BRWD1: variants seen among roughly 807,000 people sequenced by gnomAD.
BRWD1 encodes the protein bromodomain and WD repeat domain containing 1.
A neutral mutation model predicts 251.2 loss-of-function variants in BRWD1; 82 were observed. That is an observed-to-expected ratio of 0.33 (90% CI 0.27 to 0.39). The LOEUF (loss-of-function observed/expected upper bound fraction) is 0.39, where lower values mean the gene tolerates loss of function less well. Among genes scored for constraint, BRWD1 ranks in the 10% least tolerant of loss-of-function variants. The pLI is 1.00. For synonymous variants in BRWD1, 918 were observed against 902.8 expected (o/e 1.02, Z -0.30); for missense variants, 2,233 against 2,711.6 (o/e 0.82, Z 3.92).
chr21:39,236,337 G>A (rs1037628306), intron 23 of BRWD1, among the ~76,000 whole-genome samples: 3 of 152,014 alleles, frequency 2.0e-5, no homozygotes, highest in East Asian at 3.9e-4. Flanking sequence ...TATCCACAGG[G>A]GTTGAAAGTA....
rs760359318 is a variant in BRWD1, at chr21:39,189,264, C to T, written c.*6995G>A. ...GCATTTGGAAGAAAAGAACAGATAA[C>T]TGGTTCATTCCCAACAACCTATTCA... On this transcript the variant is annotated 3_prime_UTR_variant, in exon 41 of 41. Transcript: ENST00000342449. 481 of 984,188 alleles carry T rather than the reference C, an allele frequency of 4.9e-4. No homozygotes were observed. Among genetic ancestry groups the T allele is most frequent in the Non-Finnish European group, 5.6e-4 (467 of 828,944 alleles). 61.0% of individuals were successfully genotyped at this position (984,188 alleles called of 1,614,324 possible).
chr21:39,224,548 A>G, intron 28 of BRWD1, 79 bp from the exon 29 acceptor site: 1 of 932,914 alleles, frequency 1.1e-6, no homozygotes, highest in Non-Finnish European at 1.7e-6. Context: ...ATAAAAATAC[A>G]AAATGTGAAA....
At chr21:39,255,910 T>C (rs539106279) in intron 18 of BRWD1, 82 bp from the exon 19 acceptor site, 34 of 1,222,072 alleles carry the variant, frequency 2.8e-5, no homozygotes, top group Middle Eastern at 3.9e-4. Flanking sequence ...CACGTTCACC[T>C]AAGATGCGCA....
intron 4 of BRWD1, among the ~76,000 whole-genome samples, chr21:39,305,037 G>A (rs890496499): frequency 7.2e-6 from 1 of 139,582 alleles, no homozygotes; most frequent in Non-Finnish European, 1.5e-5. Flanking sequence ...TCCGCTCACT[G>A]TAACCTCCGC....
intron 4 of BRWD1, among the ~76,000 whole-genome samples, chr21:39,306,602 C>G (rs905688610): frequency 6.6e-6 from 1 of 151,768 alleles, no homozygotes; most frequent in African/African-American, 2.4e-5. Flanking sequence ...TTTCTTTGAC[C>G]GGAAAAAATA....
intron 1 of BRWD1, among the ~76,000 whole-genome samples, chr21:39,320,057 C>A (rs550827412): frequency 6.6e-6 from 1 of 152,304 alleles, no homozygotes; most frequent in East Asian, 1.9e-4. Context: ...TCTCCTCCCT[C>A]CCTGCTCCAC....
In BRWD1 at chr21:39,309,270, G is replaced by A. The variant is rs1272906527; in HGVS notation, c.198+3571C>T. Among the ~76,000 whole-genome samples, 25 of 140,942 alleles carry A rather than the reference G, an allele frequency of 1.8e-4. 1 individual carries two copies. The highest frequency in any genetic ancestry group is 1.6e-3 in the Admixed American group (21 of 13,222). 92.5% of individuals were successfully genotyped at this position (140,942 alleles called of 152,430 possible). A position where few individuals can be genotyped will look rare whatever the true frequency, so the allele number is the denominator to read the frequency against. ...TTGAGACCAGCCTGGACAACATAGC[G>A]AGTCTTTTTCTCTAGGGGAAAAAAA... On this transcript the variant is annotated intron_variant, in intron 4 of 40. Transcript: ENST00000342449.
chr21:39,184,663 T>C (rs2031108420), downstream of BRWD1: 1 of 152,196 alleles, frequency 6.6e-6, no homozygotes, highest in South Asian at 2.1e-4. Context: ...TTACATAAAA[T>C]TAGTACTTAG....
At position 39,313,589 on chromosome 21, in the gene BRWD1, G is replaced by GCGCGC. The variant is rs1555880798; in HGVS notation, c.-99_-98insGCGCG. ...GCTGGCGTCCCCTCTTCTCAGGCGC[G>GCGCGC]CGCCGCCGCCGCCGCCGCCGCCGCC... On this transcript the variant is annotated 5_prime_UTR_variant, in exon 1 of 41. The change abolishes the stop of an existing upstream ORF in the 5' untranslated region. Coordinates refer to ENST00000342449, the MANE Select transcript of BRWD1 (RefSeq NM_033656.4). 8 of 650,324 alleles carry GCGCGC rather than the reference G, an allele frequency of 1.2e-5. No individual in the cohort carries two copies. Among genetic ancestry groups the GCGCGC allele is most frequent in the Non-Finnish European group, 4.3e-6 (2 of 462,508 alleles). 40.3% of individuals were successfully genotyped at this position (650,324 alleles called of 1,614,324 possible).
At chr21:39,216,654 G>C (rs2032904966) in intron 31 of BRWD1, 2 of 374,126 alleles carry the variant, frequency 5.3e-6, no homozygotes, top group Admixed American at 3.2e-5. Flanking sequence ...AATCTACTCA[G>C]AACAGTTTAA....
chr21:39,296,186 T>C (rs2146756063), intron 6 of BRWD1, 79 bp downstream of exon 6: 1 of 1,207,962 alleles, frequency 8.3e-7, no homozygotes, highest in East Asian at 2.5e-5. Flanking sequence ...CCTTTTAAAT[T>C]TTAATACAGC....
chr21:39,250,939 T>C lies in BRWD1; in HGVS notation c.2256-50A>G, dbSNP rs746032958. 2.7e-5 allele frequency: 29 copies of C among 1,056,766 alleles called. No individual in the cohort carries two copies. In the South Asian group the frequency reaches 4.4e-4, roughly 16 times the overall value. 65.5% of individuals were successfully genotyped at this position (1,056,766 alleles called of 1,614,324 possible). Reference sequence around the variant, plus strand: ...ATTAACTACTGAACTGATGGATAACTAAAGGATATAAAGAATAAAAACCAG... The same window carrying C: ...ATTAACTACTGAACTGATGGATAACCAAAGGATATAAAGAATAAAAACCAG... On this transcript the variant is annotated intron_variant, in intron 19 of 40. Coordinates refer to ENST00000342449, the MANE Select transcript of BRWD1 (RefSeq NM_033656.4).
intron 21 of BRWD1, 144 bp downstream of exon 21, chr21:39,247,557 T>G (rs2034238859): frequency 2.2e-6 from 2 of 913,182 alleles, no homozygotes; most frequent in East Asian, 5.8e-5. Context: ...AAAGTTTTTG[T>G]TAACATTCAA....
chr21:39,269,544 CTAT>C (rs1337975089), intron 15 of BRWD1, among the ~76,000 whole-genome samples: 1 of 151,908 alleles, frequency 6.6e-6, no homozygotes, highest in African/African-American at 2.4e-5. Flanking sequence ...TATTTTATTA[CTAT>C]TTTTATATTT....
chr21:39,203,532 G>A (rs1288410823), intron 37 of BRWD1, among the ~76,000 whole-genome samples: 1 of 138,810 alleles, frequency 7.2e-6, no homozygotes, highest in African/African-American at 2.7e-5. Flanking sequence ...TCAGCCTCCT[G>A]AGTAGCTGGG....
chr21:39,226,334 A>G (rs149953524), intron 27 of BRWD1, among the ~76,000 whole-genome samples: 11 of 152,302 alleles, frequency 7.2e-5, no homozygotes, highest in African/African-American at 2.6e-4. Flanking sequence ...TCTTCTTGCC[A>G]TACTACTCAA....
intron 21 of BRWD1, among the ~76,000 whole-genome samples, chr21:39,240,346 T>C (rs762861270): frequency 6.6e-6 from 1 of 152,162 alleles, no homozygotes; most frequent in Non-Finnish European, 1.5e-5. Context: ...GTTAAAAAAT[T>C]AACTGGGCAT....
At chr21:39,296,964 T>C (rs2035977729) in intron 5 of BRWD1, 3 of 984,948 alleles carry the variant, frequency 3.0e-6, no homozygotes, top group African/African-American at 1.7e-5. Flanking sequence ...ACCATGACTT[T>C]AGTCTCTATC....
chr21:39,272,624 T>C (rs1305388358), intron 13 of BRWD1, among the ~76,000 whole-genome samples: 1 of 151,166 alleles, frequency 6.6e-6, no homozygotes, highest in African/African-American at 2.4e-5. Context: ...TTTTTTTTTT[T>C]TGAGGTGGAG....
Sources: allele counts gnomAD v4.1 joint callset (sites outside exome capture counted in the v4.1 genomes callset), GRCh38; gene constraint gnomAD v4.1.1; transcripts MANE v1.5; gene names NCBI Gene and HGNC (gene_info 2026-07-23, HGNC 2026-07-21).